FSTL4: variants seen among roughly 807,000 people sequenced by gnomAD.
FSTL4 encodes the protein follistatin like 4.
Under a neutral mutation model 78.2 loss-of-function variants are expected in FSTL4, and 28 were observed. The observed-to-expected ratio is 0.36, with a 90% CI of 0.27 to 0.49. The LOEUF is 0.49. Ranked by LOEUF, FSTL4 falls within the 20% of genes least tolerant of loss-of-function variation. FSTL4 has a pLI of 0.98. For synonymous variants in FSTL4, 422 were observed against 440.5 expected, an observed-to-expected ratio of 0.96 and a Z score of 0.53; for missense variants, 922 against 1,084.9, an observed-to-expected ratio of 0.85 and a Z score of 2.11.
intron 3 of FSTL4, among the ~76,000 whole-genome samples, chr5:133,520,902 G>C (rs1329527033): frequency 6.6e-6 from 1 of 152,148 alleles, no homozygotes; most frequent in African/African-American, 2.4e-5. Context: ...AGGTGGTTCT[G>C]GCAGCGGGGA....
chr5:133,369,015 C>T (rs1755234266), intron 4 of FSTL4, among the ~76,000 whole-genome samples: 1 of 152,158 alleles, frequency 6.6e-6, no homozygotes, highest in Non-Finnish European at 1.5e-5. Flanking sequence ...TGGGAAAAGT[C>T]AGTCTTGAGC....
chr5:133,734,768 A>G, the FSTL4 span, among the ~76,000 whole-genome samples: 2 of 151,976 alleles, frequency 1.3e-5, no homozygotes, highest in South Asian at 4.2e-4. Context: ...TATTTCTTCT[A>G]TTTCTTCTGC....
At chr5:133,729,116 G>A in the FSTL4 span, among the ~76,000 whole-genome samples, 1 of 152,118 alleles carries the variant, frequency 6.6e-6, no homozygotes, top group Non-Finnish European at 1.5e-5. Context: ...GGTGGGGAAA[G>A]GTTCCTGAAA....
At chr5:133,370,242 C>T (rs1340679769) in intron 4 of FSTL4, among the ~76,000 whole-genome samples, 7 of 152,102 alleles carry the variant, frequency 4.6e-5, no homozygotes, top group East Asian at 1.9e-4. Flanking sequence ...CTCTGCTTGT[C>T]GCTGAGGAAA....
At chr5:133,333,583 C>T (rs75615545) in intron 4 of FSTL4, among the ~76,000 whole-genome samples, 3 of 152,334 alleles carry the variant, frequency 2.0e-5, no homozygotes, top group East Asian at 1.9e-4. Flanking sequence ...GAAATCCAGA[C>T]GTCTGGGCTG....
intron 4 of FSTL4, among the ~76,000 whole-genome samples, chr5:133,320,659 G>A (rs1318230541): frequency 3.3e-5 from 5 of 152,104 alleles, no homozygotes; most frequent in African/African-American, 9.7e-5. Context: ...TCCAGCCCTC[G>A]TCTGCTGTGC....
chr5:133,269,151 CT>C (rs1267243594), intron 6 of FSTL4, among the ~76,000 whole-genome samples: 2 of 146,294 alleles, frequency 1.4e-5, no homozygotes, highest in Non-Finnish European at 3.0e-5. Context: ...CACTGCACCA[CT>C]CCAGCCTGGG....
the FSTL4 span, among the ~76,000 whole-genome samples, chr5:133,739,318 T>C: frequency 2.0e-5 from 3 of 151,806 alleles, no homozygotes; most frequent in Non-Finnish European, 4.4e-5. Flanking sequence ...TAAGTGGTTT[T>C]GTGATTGAGC....
At chr5:133,754,967 C>G in the FSTL4 span, among the ~76,000 whole-genome samples, 1 of 152,080 alleles carries the variant, frequency 6.6e-6, no homozygotes, top group Non-Finnish European at 1.5e-5. Context: ...CTTCCCATAC[C>G]CCACTTCCCA....
intron 4 of FSTL4, among the ~76,000 whole-genome samples, chr5:133,349,578 T>C (rs541571135): frequency 0.014 from 1,849 of 136,448 alleles, 14 homozygotes; most frequent in Non-Finnish European, 0.021. Flanking sequence ...TTGTTTGTCA[T>C]GCTGCCATGC....
intron 3 of FSTL4, among the ~76,000 whole-genome samples, chr5:133,411,083 C>T (rs1756468763): frequency 6.6e-6 from 1 of 152,092 alleles, no homozygotes; most frequent in Non-Finnish European, 1.5e-5. Flanking sequence ...TCCACTGGGG[C>T]CTGACAACCT....
At chr5:133,808,050 T>G in the FSTL4 span, among the ~76,000 whole-genome samples, 1 of 152,328 alleles carries the variant, frequency 6.6e-6, no homozygotes, top group African/African-American at 2.4e-5. Context: ...CTGCACGACC[T>G]GCAATAGATC....
the FSTL4 span, among the ~76,000 whole-genome samples, chr5:133,817,848 A>G: frequency 6.6e-6 from 1 of 152,206 alleles, no homozygotes; most frequent in Non-Finnish European, 1.5e-5. Context: ...AGTGCTTTCC[A>G]TACCCTAAGT....
chr5:133,667,971 G>T, the FSTL4 span, among the ~76,000 whole-genome samples: 2 of 152,290 alleles, frequency 1.3e-5, no homozygotes, highest in Middle Eastern at 3.4e-3. Context: ...GGCTAAATTA[G>T]GGACTCATGC....
the FSTL4 span, among the ~76,000 whole-genome samples, chr5:133,798,427 A>G: frequency 9.2e-5 from 14 of 151,868 alleles, no homozygotes; most frequent in African/African-American, 3.1e-4. Flanking sequence ...AGATTTTATC[A>G]TTGTGGACAA....
the FSTL4 span, among the ~76,000 whole-genome samples, chr5:133,660,631 C>G: frequency 1.3e-5 from 2 of 152,140 alleles, no homozygotes; most frequent in African/African-American, 4.8e-5. Context: ...ATAAGGTGCC[C>G]ACCCTGTCCC....
the FSTL4 span, among the ~76,000 whole-genome samples, chr5:133,705,786 C>T: frequency 2.0e-5 from 3 of 152,050 alleles, no homozygotes; most frequent in African/African-American, 4.8e-5. Context: ...TCCTCTCCCT[C>T]ACATTATTCA....
chr5:133,666,736 T>C, the FSTL4 span, among the ~76,000 whole-genome samples: 2 of 152,242 alleles, frequency 1.3e-5, no homozygotes, highest in Non-Finnish European at 2.9e-5. Context: ...TTCCTGACAG[T>C]TAAAACTTTT....
chr5:133,678,733 G>A, the FSTL4 span, among the ~76,000 whole-genome samples: 4 of 152,120 alleles, frequency 2.6e-5, no homozygotes, highest in African/African-American at 4.8e-5. Flanking sequence ...AATCATTGCC[G>A]TCTAGCTGGT....
Sources: allele counts gnomAD v4.1 joint callset (sites outside exome capture counted in the v4.1 genomes callset), GRCh38; gene constraint gnomAD v4.1.1; transcripts MANE v1.5; gene names NCBI Gene and HGNC (gene_info 2026-07-23, HGNC 2026-07-21).